Variants in TAF4B observed in about 807,000 individuals in gnomAD.
TAF4B encodes TATA-box binding protein associated factor 4b, also known as transcription initiation factor TFIID subunit 4B.
TAF4B carries 38 observed loss-of-function variants against 86.4 expected under a neutral mutation model. That is an observed-to-expected ratio of 0.44 (90% confidence interval 0.34 to 0.58). The LOEUF is 0.58. TAF4B is among the 20% of genes least tolerant of loss of function. The probability of loss-of-function intolerance (pLI) is 0.02; values close to 1 mark genes in which losing one functional copy is unlikely to be tolerated. For missense variants in TAF4B, 988 were observed against 1,027.6 expected (o/e 0.96, Z 0.53); for synonymous variants, 388 against 391.2 (o/e 0.99, Z 0.10).
At chr18:26,238,537 G>A (rs1435575762) in intron 1 of TAF4B, among the ~76,000 whole-genome samples, 2 of 151,896 alleles carry the variant, frequency 1.3e-5, no homozygotes, top group Admixed American at 6.6e-5. Context: ...AGGAAACAGA[G>A]TCCTGAAATT....
At chr18:26,327,267 A>G in intron 12 of TAF4B, 127 bp downstream of exon 12, 1 of 1,161,404 alleles carries the variant, frequency 8.6e-7, no homozygotes. Context: ...CTAAAACGAA[A>G]TTACTAATAG....
chr18:26,272,231 G>A (rs1204510962), intron 3 of TAF4B, among the ~76,000 whole-genome samples: 1 of 152,162 alleles, frequency 6.6e-6, no homozygotes, highest in Non-Finnish European at 1.5e-5. Flanking sequence ...AGATTCTCAC[G>A]AGGAGAGTGC....
intron 5 of TAF4B, among the ~76,000 whole-genome samples, chr18:26,280,850 GTATGTT>G (rs1158989683): frequency 6.6e-6 from 1 of 152,156 alleles, no homozygotes; most frequent in Non-Finnish European, 1.5e-5. Flanking sequence ...ATATGCACTT[GTATGTT>G]TATCGCAGCA....
intron 9 of TAF4B, among the ~76,000 whole-genome samples, chr18:26,305,349 T>G (rs1008124628): frequency 6.6e-6 from 1 of 152,228 alleles, no homozygotes; most frequent in Non-Finnish European, 1.5e-5. Flanking sequence ...CACCTTTATC[T>G]TATAGTAAAT....
chr18:26,267,979 A>G (rs563698292), intron 3 of TAF4B, among the ~76,000 whole-genome samples: 46 of 152,230 alleles, frequency 3.0e-4, no homozygotes, highest in Non-Finnish European at 6.2e-4. Flanking sequence ...ATGCAGGCCC[A>G]ATAAAGCCTT....
intron 14 of TAF4B, among the ~76,000 whole-genome samples, chr18:26,363,464 T>G (rs1316915035): frequency 6.7e-6 from 1 of 149,998 alleles, no homozygotes; most frequent in East Asian, 2.0e-4. Flanking sequence ...GAGGATAGCT[T>G]GGCCCAGGAG....
At chr18:26,249,266 G>A (rs1276334355) in intron 1 of TAF4B, among the ~76,000 whole-genome samples, 2 of 152,102 alleles carry the variant, frequency 1.3e-5, no homozygotes, top group African/African-American at 4.8e-5. Flanking sequence ...ATTACTTGAG[G>A]CCAGGAGTTC....
At chr18:26,361,811 A>G (rs75104995) in intron 14 of TAF4B, among the ~76,000 whole-genome samples, 11,680 of 151,722 alleles carry the variant, frequency 0.077, 553 homozygotes, top group Non-Finnish European at 0.1. Flanking sequence ...TCTGCTAGAA[A>G]CAACTCTACT....
intron 1 of TAF4B, among the ~76,000 whole-genome samples, chr18:26,246,453 AG>A (rs762046812): frequency 6.6e-6 from 1 of 152,090 alleles, no homozygotes; most frequent in Non-Finnish European, 1.5e-5. Flanking sequence ...AACATAGGAG[AG>A]AACATTGGTC....
At position 26,391,118 on chromosome 18, in the gene TAF4B, A is replaced by C. The variant is rs561759938; in HGVS notation, c.*1106A>C. On this transcript the variant is annotated 3_prime_UTR_variant, in exon 15 of 15. Coordinates refer to ENST00000269142, the MANE Select transcript of TAF4B (RefSeq NM_005640.3). ...ATTCTGTACTTAAAAGGTACTGTCA[A>C]TATCTCACTCTTGGGGATATGAGCT... is the stretch of plus-strand genomic sequence containing the variant. The C allele has an allele frequency of 6.6e-6, 1 of 152,080 alleles. No homozygotes were observed. The highest frequency in any genetic ancestry group is 2.4e-5 in the African/African-American group (1 of 41,412). The allele number at this position is 152,080 out of a possible 1,614,324, so 9.4% of individuals were successfully genotyped here.
At chr18:26,370,531 G>A (rs866692350) in intron 14 of TAF4B, among the ~76,000 whole-genome samples, 40 of 152,292 alleles carry the variant, frequency 2.6e-4, no homozygotes, top group Admixed American at 2.3e-3. Context: ...CCTTAAGGAA[G>A]TTGCCTTACA....
At chr18:26,280,248 G>A (rs768149974) in intron 5 of TAF4B, among the ~76,000 whole-genome samples, 8 of 151,900 alleles carry the variant, frequency 5.3e-5, no homozygotes, top group Non-Finnish European at 1.2e-4. Flanking sequence ...GCCTGACATC[G>A]GCCTTGGCAA....
Position 26,226,537 on chromosome 18 carries a change from A to C in TAF4B, c.-397A>C. On this transcript the variant is annotated 5_prime_UTR_variant, in exon 1 of 15. Transcript: ENST00000269142. ...GGGCACTCGGGGTTCGTAGTTTTGA[A>C]ATTTCTGGCGGGGGAGCAGCTGCGC... 6.2e-6 allele frequency: 1 copy of C among 161,154 alleles called. No homozygotes were observed. 10.0% of individuals were successfully genotyped at this position (161,154 alleles called of 1,614,324 possible). A position where few individuals can be genotyped will look rare whatever the true frequency, so the allele number is the denominator to read the frequency against.
At chr18:26,320,476 T>C (rs186269797) in intron 10 of TAF4B, among the ~76,000 whole-genome samples, 34 of 152,318 alleles carry the variant, frequency 2.2e-4, no homozygotes, top group Non-Finnish European at 4.3e-4. Context: ...AGAGAAGTTA[T>C]TCAGATAGGT....
At chr18:26,258,954 C>T (rs2056124500) in intron 1 of TAF4B, among the ~76,000 whole-genome samples, 1 of 151,856 alleles carries the variant, frequency 6.6e-6, no homozygotes, top group Admixed American at 6.6e-5. Flanking sequence ...CTGCTTCAGC[C>T]TTCCAAAGTG....
At chr18:26,365,681 T>C (rs1292958431) in intron 14 of TAF4B, among the ~76,000 whole-genome samples, 2 of 152,238 alleles carry the variant, frequency 1.3e-5, no homozygotes, top group African/African-American at 4.8e-5. Context: ...TTTCCATGAA[T>C]CACTTCAGTA....
intron 13 of TAF4B, among the ~76,000 whole-genome samples, chr18:26,356,804 T>A (rs2144732326): frequency 6.6e-6 from 1 of 151,866 alleles, no homozygotes. Flanking sequence ...TTTTTTTTTT[T>A]TTTTAAACAG....
chr18:26,304,168 G>GTTTTTTTT (rs5823508), intron 9 of TAF4B, among the ~76,000 whole-genome samples: 1 of 125,382 alleles, frequency 8.0e-6, no homozygotes, highest in Non-Finnish European at 1.6e-5. Flanking sequence ...TAGGTCGACT[G>GTTTTTTTT]TTTTTTTTTT....
chr18:26,249,010 A>G (rs1237536078), intron 1 of TAF4B, among the ~76,000 whole-genome samples: 1 of 151,444 alleles, frequency 6.6e-6, no homozygotes, highest in Non-Finnish European at 1.5e-5. Flanking sequence ...CATCTCTACT[A>G]AAAATACAAA....
Sources: gnomAD v4.1 joint callset for allele counts (sites outside exome capture counted in the v4.1 genomes callset) on GRCh38, gnomAD v4.1.1 for gene constraint, MANE v1.5 for transcripts, NCBI Gene and HGNC (gene_info 2026-07-23, HGNC 2026-07-21) for gene names.